Variants in FGFR3 observed in about 807,000 individuals in gnomAD.
FGFR3 encodes fibroblast growth factor receptor 3.
In FGFR3, 25 loss-of-function variants were observed where a neutral mutation model predicts 82.9. The ratio of observed to expected loss-of-function variants is 0.30; its 90% CI spans 0.22 to 0.42. FGFR3 has a LOEUF of 0.42. Among genes scored for constraint, FGFR3 ranks in the 10% least tolerant of loss-of-function variants. FGFR3 has a pLI of 1.00. For synonymous variants in FGFR3, 620 were observed against 516.0 expected (o/e 1.20, Z -2.73); for missense variants, 1,026 against 1,161.0 (o/e 0.88, Z 1.69).
At position 1,807,723 on chromosome 4, in the gene FGFR3, G is replaced by A; in HGVS notation, c.*461G>A. The A allele has an allele frequency of 1.6e-6, 1 of 608,744 alleles. No individual in the cohort carries two copies. Among genetic ancestry groups the A allele is most frequent in the Non-Finnish European group, 3.2e-6 (1 of 315,972 alleles). 37.7% of individuals were successfully genotyped at this position (608,744 alleles called of 1,614,324 possible). On this transcript the variant is annotated 3_prime_UTR_variant, in exon 18 of 18. Coordinates refer to ENST00000440486, the MANE Select transcript of FGFR3 (RefSeq NM_000142.5). ...AAGCCCCACATGTCCAGCACCTTGT[G>A]CCTGGGGTGTTAGTGGCACCGCCTC...
Position 1,807,907 on chromosome 4 carries a change from A to G in FGFR3, c.*645A>G. 3.0e-6 allele frequency: 1 copy of G among 330,226 alleles called. No individual in the cohort carries two copies. The highest frequency in any genetic ancestry group is 2.1e-5 in the African/African-American group (1 of 47,414). The allele number at this position is 330,226 out of a possible 1,614,324, so 20.5% of individuals were successfully genotyped here. On this transcript the variant is annotated 3_prime_UTR_variant, in exon 18 of 18. Transcript: ENST00000440486. ...CTGTGTATATGGTATATATACATAT[A>G]TATATATAACATATATGGAAGAGGA...
rs1722142464 is a variant in FGFR3, at chr4:1,807,691, T to C, written c.*429T>C. On this transcript the variant is annotated 3_prime_UTR_variant, in exon 18 of 18. Transcript: ENST00000440486. ...CCCCTCCCACACCCAAAGCTGAGCCTGCAGGGAAGCCCCACATGTCCAGCA... is the reference window on the plus strand; with the variant it reads ...CCCCTCCCACACCCAAAGCTGAGCCCGCAGGGAAGCCCCACATGTCCAGCA... 1.6e-6 allele frequency: 1 copy of C among 618,984 alleles called. No individual in the cohort carries two copies. Among genetic ancestry groups the C allele is most frequent in the African/African-American group, 1.8e-5 (1 of 56,622 alleles). The allele number at this position is 618,984 out of a possible 1,614,324, so 38.3% of individuals were successfully genotyped here.
chr4:1,800,930 A>G (rs974290138), intron 4 of FGFR3, among the ~76,000 whole-genome samples: 3 of 152,160 alleles, frequency 2.0e-5, no homozygotes, highest in Non-Finnish European at 4.4e-5. Flanking sequence ...CCGTGGGCCC[A>G]TGCTGCCCAG....
intron 7 of FGFR3, chr4:1,803,239 G>A (rs936105190): frequency 1.2e-5 from 9 of 770,692 alleles, no homozygotes; most frequent in Admixed American, 4.1e-5. Context: ...CGCCCGCTTC[G>A]AGCCCTGTGG....
intron 7 of FGFR3, chr4:1,803,223 G>A (rs1259984913): frequency 1.1e-5 from 10 of 883,314 alleles, no homozygotes; most frequent in South Asian, 9.6e-5. Flanking sequence ...CAGCCTCCAC[G>A]GTGACCGCCC....
intron 2 of FGFR3, among the ~76,000 whole-genome samples, chr4:1,794,715 A>AG (rs1720264875): frequency 6.6e-6 from 1 of 151,586 alleles, no homozygotes; most frequent in African/African-American, 2.4e-5. Context: ...CCAAGGGGCG[A>AG]GGGGAGGGGA....
Position 1,799,819 on chromosome 4 carries a change from GCAGGGTC to G in FGFR3, c.445+14_445+20del, listed in dbSNP as rs1720980810. 6.2e-7 allele frequency: 1 copy of G among 1,612,590 alleles called. No homozygotes were observed. Among genetic ancestry groups the G allele is most frequent in the African/African-American group, 1.3e-5 (1 of 74,928 alleles). ...GACACAGGTGTGGACACAGGTAGGA[GCAGGGTC>G]CAGGGTTCAGGCCAGCCGGGGTGGG... On this transcript the variant is annotated splice_region_variant and intron_variant, in intron 4 of 17. Transcript: ENST00000440486.
rs1477816603 is a variant in FGFR3, at chr4:1,801,864, G to C, written c.769G>C (p.Ala257Pro). 1 of 1,608,672 alleles carries C rather than the reference G, an allele frequency of 6.2e-7. No individual in the cohort carries two copies. The highest frequency in any genetic ancestry group is 8.5e-7 in the Non-Finnish European group (1 of 1,177,442). Residue 257 changes from alanine (A) to proline (P), a missense_variant, in exon 7 of 18, where the codon GCG becomes CCG. Ala to Pro is a conservative substitution (Grantham distance 27). Coordinates refer to ENST00000440486, the MANE Select transcript of FGFR3 (RefSeq NM_000142.5). ...ERSPHRPILQ[A>P]GLPANQTAVL... ...CTCCCCGCACCGGCCCATCCTGCAGGCGGGGCTGCCGGCCAACCAGACGGC... is the reference window on the plus strand; with the variant it reads ...CTCCCCGCACCGGCCCATCCTGCAGCCGGGGCTGCCGGCCAACCAGACGGC...
intron 2 of FGFR3, 93 bp downstream of exon 2, chr4:1,794,136 G>C: frequency 1.6e-6 from 1 of 639,700 alleles, no homozygotes; most frequent in East Asian, 3.8e-5. Flanking sequence ...GGGGCCGCCG[G>C]GTGTGAGTGA....
In FGFR3 at chr4:1,807,191, G is replaced by A. The variant is rs531915147; in HGVS notation, c.2350G>A (p.Gly784Arg). ...GGACACCCCCAGCTCCAGCTCCTCA[G>A]GGGACGACTCCGTGTTTGCCCACGA... ...GQDTPSSSSS[G>R]DDSVFAHDLL... The change falls in exon 18 of 18, where the codon GGG becomes AGG. Residue 784 changes from glycine to arginine, a missense_variant. Physicochemically the swap from Gly to Arg is moderately radical, Grantham distance 125. Coordinates refer to ENST00000440486, the MANE Select transcript of FGFR3 (RefSeq NM_000142.5). 1.2e-6 allele frequency: 2 copies of A among 1,607,280 alleles called. No homozygotes were observed. The highest frequency in any genetic ancestry group is 2.7e-5 in the African/African-American group (2 of 74,914).
rs1051719519 is a variant in FGFR3 at position 1,804,549 on chromosome 4, G to A, written c.1266+29G>A. The stretch of plus-strand genomic sequence containing the variant: ...ACAGAAAGTAGATACCAGGTTCTGA[G>A]CTGCCTGCCCGCCAGGCCTCCTGGA... On this transcript the variant is annotated intron_variant, in intron 9 of 17. Transcript: ENST00000440486. 3 of 1,609,594 alleles carry A rather than the reference G, an allele frequency of 1.9e-6. No homozygotes were observed. The Admixed American group carries it at 5.0e-5, about 27-fold the overall frequency.
At chr4:1,803,443 A>C (rs1043494199) in intron 7 of FGFR3, among the ~76,000 whole-genome samples, 3 of 152,166 alleles carry the variant, frequency 2.0e-5, no homozygotes, top group Non-Finnish European at 4.4e-5. Flanking sequence ...GCTAACCCGC[A>C]TGCTGCCTGC....
At chr4:1,794,367 C>G (rs1720213007) in intron 2 of FGFR3, among the ~76,000 whole-genome samples, 1 of 152,152 alleles carries the variant, frequency 6.6e-6, no homozygotes, top group African/African-American at 2.4e-5. Context: ...CCACGATTCC[C>G]GCTGTTGTTA....
chr4:1,794,487 T>C (rs992774261), intron 2 of FGFR3, among the ~76,000 whole-genome samples: 3 of 152,024 alleles, frequency 2.0e-5, no homozygotes, highest in African/African-American at 7.3e-5. Context: ...TAAGGGTGGG[T>C]GTGCGCGTCA....
Position 1,807,626 on chromosome 4 carries a change from TCTGCCTTTGCACCAC to T in FGFR3, c.*365_*379del. 1.5e-6 allele frequency: 1 copy of T among 652,514 alleles called. No individual in the cohort carries two copies. The highest frequency in any genetic ancestry group is 2.9e-6 in the Non-Finnish European group (1 of 345,220). 40.4% of individuals were successfully genotyped at this position (652,514 alleles called of 1,614,324 possible). A position where few individuals can be genotyped will look rare whatever the true frequency, so the allele number is the denominator to read the frequency against. On this transcript the variant is annotated 3_prime_UTR_variant, in exon 18 of 18. Coordinates refer to ENST00000440486, the MANE Select transcript of FGFR3 (RefSeq NM_000142.5). ...AGCTGGGCCCGACATGGCTCCGGCC[TCTGCCTTTGCACCAC>T]GGGACATCACAGGGTGGGCCTCGGC...
Position 1,793,960 on chromosome 4 carries a change from C to A in FGFR3, c.26C>A (p.Ala9Glu), listed in dbSNP as rs1198522381. The change falls in exon 2 of 18, where the codon GCG becomes GAG. Residue 9 changes from alanine (A) to glutamate (E), a missense_variant. Physicochemically the swap from Ala to Glu is moderately radical, Grantham distance 107. Around this residue, in one of 9 missense-constraint regions of FGFR3, gnomAD observed 226 missense variants for 222.0 expected, o/e 1.02. Coordinates refer to ENST00000440486, the MANE Select transcript of FGFR3 (RefSeq NM_000142.5). MGAPACAL[A>E]LCVAVAIVAG... Reference sequence around the variant, plus strand: ...ATGGGCGCCCCTGCCTGCGCCCTCGCGCTCTGCGTGGCCGTGGCCATCGTG... The same window carrying A: ...ATGGGCGCCCCTGCCTGCGCCCTCGAGCTCTGCGTGGCCGTGGCCATCGTG... 6 of 1,364,060 alleles carry A rather than the reference C, an allele frequency of 4.4e-6. No individual in the cohort carries two copies. The highest frequency in any genetic ancestry group is 5.7e-6 in the Non-Finnish European group (6 of 1,045,502). 84.5% of individuals were successfully genotyped at this position (1,364,060 alleles called of 1,614,324 possible).
At chr4:1,797,476 C>T (rs541311899) in intron 2 of FGFR3, among the ~76,000 whole-genome samples, 7 of 152,312 alleles carry the variant, frequency 4.6e-5, no homozygotes, top group South Asian at 2.1e-4. Flanking sequence ...CTGTGTCCCC[C>T]GTCCCCCCGT....
At chr4:1,799,856 G>T in intron 4 of FGFR3, 44 bp downstream of exon 4, 1 of 1,598,658 alleles carries the variant, frequency 6.3e-7, no homozygotes, top group Non-Finnish European at 8.5e-7. Flanking sequence ...GGTGGGGCCC[G>T]CTGCCACCGC....
In FGFR3 at chr4:1,805,476, G is replaced by C. The variant is rs778548356; in HGVS notation, c.1534G>C (p.Asp512His). 1 of 1,612,176 alleles carries C rather than the reference G, an allele frequency of 6.2e-7. No homozygotes were observed. Among genetic ancestry groups the C allele is most frequent in the Admixed American group, 1.7e-5 (1 of 59,980 alleles). ...PVTVAVKMLKDDATDKDLSDL... is the reference protein window; with the variant it reads ...PVTVAVKMLKHDATDKDLSDL... The stretch of plus-strand genomic sequence containing the variant: ...CACCGTAGCCGTGAAGATGCTGAAA[G>C]GTGAGGAGGGGGCGGCCAGGGGTGC... Residue 512 changes from aspartate (D) to histidine (H), a missense_variant and splice_region_variant, in exon 11 of 18, where the codon GAC becomes CAC. This residue lies in a region of FGFR3 where 164 missense variants were observed against 167.5 expected (regional missense o/e 0.98). Coordinates refer to ENST00000440486, the MANE Select transcript of FGFR3 (RefSeq NM_000142.5).
Sources: allele counts gnomAD v4.1 joint callset (sites outside exome capture counted in the v4.1 genomes callset), GRCh38; gene constraint gnomAD v4.1.1; regional missense constraint gnomAD v4.1.1; transcripts MANE v1.5; gene names NCBI Gene and HGNC (gene_info 2026-07-23, HGNC 2026-07-21).